ACYP2: variants seen among roughly 807,000 people sequenced by gnomAD.
The protein encoded by ACYP2 is acylphosphatase-2.
Under a neutral mutation model 11.2 loss-of-function variants are expected in ACYP2, and 12 were observed. The ratio of observed to expected loss-of-function variants is 1.08; its 90% CI spans 0.69 to 1.74. The LOEUF (loss-of-function observed/expected upper bound fraction) is 1.74, where lower values mean the gene tolerates loss of function less well. ACYP2 is among the 40% of genes most tolerant of loss of function. The pLI is 0.00. For synonymous variants in ACYP2, 43 were observed against 32.2 expected (o/e 1.33, Z -1.13); for missense variants, 134 against 101.9 (o/e 1.31, Z -1.35).
At chr2:54,129,001 G>A (rs1680729648) in intron 4 of ACYP2, among the ~76,000 whole-genome samples, 1 of 151,972 alleles carries the variant, frequency 6.6e-6, no homozygotes, top group Non-Finnish European at 1.5e-5. Context: ...TCCTTAATCC[G>A]GTCAAATTGA....
chr2:54,138,146 A>G (rs7572767), intron 5 of ACYP2, among the ~76,000 whole-genome samples: 413 of 152,258 alleles, frequency 2.7e-3, no homozygotes, highest in African/African-American at 9.5e-3. Context: ...TCTTATTAAA[A>G]TGATTTTCCC....
chr2:54,286,856 T>C lies in ACYP2; in HGVS notation c.405-17832T>C, dbSNP rs547725833. On this transcript the variant is annotated intron_variant, in intron 6 of 6. Transcript: ENST00000607452. ...AAATCATATCCAAATGTGAGTTTTCTCAGGCTATAATATCTAGAATTTTTT... is the reference window on the plus strand; with the variant it reads ...AAATCATATCCAAATGTGAGTTTTCCCAGGCTATAATATCTAGAATTTTTT... Among the ~76,000 whole-genome samples, 7 of 152,170 alleles carry C rather than the reference T, an allele frequency of 4.6e-5. No homozygotes were observed. In the East Asian group the frequency reaches 1.3e-3, roughly 29 times the overall value.
At chr2:54,289,492 G>A (rs1336356792) in intron 6 of ACYP2, among the ~76,000 whole-genome samples, 1 of 151,872 alleles carries the variant, frequency 6.6e-6, no homozygotes, top group Non-Finnish European at 1.5e-5. Context: ...AGATTATTAG[G>A]AAGATACATA....
intron 4 of ACYP2, among the ~76,000 whole-genome samples, chr2:54,096,614 C>T (rs1477793182): frequency 1.3e-5 from 2 of 152,160 alleles, no homozygotes; most frequent in Non-Finnish European, 2.9e-5. Context: ...GCGGATCCCT[C>T]GCGGTTAGGA....
At chr2:54,214,030 G>C (rs1363946773) in intron 6 of ACYP2, among the ~76,000 whole-genome samples, 1 of 152,044 alleles carries the variant, frequency 6.6e-6, no homozygotes, top group Non-Finnish European at 1.5e-5. Flanking sequence ...GAAGTGCTGG[G>C]ATTACAGGCA....
intron 6 of ACYP2, among the ~76,000 whole-genome samples, chr2:54,286,840 C>A (rs1203669427): frequency 6.6e-6 from 1 of 151,902 alleles, no homozygotes; most frequent in African/African-American, 2.4e-5. Context: ...AAAATCATAT[C>A]CAAATGTGAG....
chr2:54,248,526 C>A lies in ACYP2; in HGVS notation c.405-56162C>A, dbSNP rs550595864. Among the ~76,000 whole-genome samples the A allele has an allele frequency of 5.3e-5, 8 of 152,186 alleles. 1 individual carries two copies. Among genetic ancestry groups the A allele is most frequent in the African/African-American group, 1.9e-4 (8 of 41,520 alleles). On this transcript the variant is annotated intron_variant, in intron 6 of 6. Coordinates refer to ENST00000607452, the MANE Select transcript of ACYP2 (RefSeq NM_001320586.2). ...GTCTAGTATGGTGTCTAGAATGGAA[C>A]TTAGAAGCCACTTCTTATAGGAAGC...
intron 4 of ACYP2, among the ~76,000 whole-genome samples, chr2:54,096,476 G>T (rs1046410513): frequency 4.6e-5 from 7 of 152,080 alleles, no homozygotes; most frequent in African/African-American, 1.7e-4. Context: ...GGAGGCCAAG[G>T]CAGGCGGCTG....
intron 2 of ACYP2, among the ~76,000 whole-genome samples, chr2:53,979,863 T>A (rs1353767519): frequency 6.6e-6 from 1 of 151,800 alleles, no homozygotes; most frequent in African/African-American, 2.4e-5. Context: ...CTGGCTGTTT[T>A]GTATTTTTAG....
At chr2:54,123,692 A>C (rs1680287871) in intron 4 of ACYP2, among the ~76,000 whole-genome samples, 1 of 152,026 alleles carries the variant, frequency 6.6e-6, no homozygotes, top group African/African-American at 2.4e-5. Context: ...AAAGTCTCTG[A>C]TGTCCTTGGC....
At chr2:54,196,966 G>A (rs1437776593) in intron 6 of ACYP2, among the ~76,000 whole-genome samples, 3 of 152,212 alleles carry the variant, frequency 2.0e-5, no homozygotes, top group Admixed American at 6.5e-5. Flanking sequence ...AACTGTCCAC[G>A]TGTCACCTCA....
chr2:54,097,915 T>C (rs1678683714), intron 4 of ACYP2, among the ~76,000 whole-genome samples: 1 of 149,052 alleles, frequency 6.7e-6, no homozygotes, highest in Non-Finnish European at 1.5e-5. Context: ...TTCCTTTCTT[T>C]CTTCTTTCTT....
intron 6 of ACYP2, among the ~76,000 whole-genome samples, chr2:54,180,966 T>C (rs568103698): frequency 5.9e-5 from 9 of 152,314 alleles, no homozygotes; most frequent in South Asian, 4.1e-4. Context: ...ACATTGGGCA[T>C]TGGATTTCAA....
chr2:54,048,561 CAGTATCAT>C (rs1307907941), intron 2 of ACYP2, among the ~76,000 whole-genome samples: 1 of 152,178 alleles, frequency 6.6e-6, no homozygotes, highest in Non-Finnish European at 1.5e-5. Context: ...CACTGGAGTG[CAGTATCAT>C]AGCTCACTCT....
At chr2:54,002,450 A>T (rs1672845114) in intron 2 of ACYP2, among the ~76,000 whole-genome samples, 1 of 151,474 alleles carries the variant, frequency 6.6e-6, no homozygotes, top group Admixed American at 6.6e-5. Flanking sequence ...GGTTTAAATA[A>T]TTCTCCTGCC....
chr2:54,230,907 T>G (rs1363155112), intron 6 of ACYP2, among the ~76,000 whole-genome samples: 1 of 148,908 alleles, frequency 6.7e-6, no homozygotes, highest in Non-Finnish European at 1.5e-5. Flanking sequence ...CTCGGCTCAC[T>G]GCAACCTCTG....
chr2:54,035,332 C>T (rs1386995651), intron 2 of ACYP2, among the ~76,000 whole-genome samples: 2 of 143,126 alleles, frequency 1.4e-5, no homozygotes, highest in African/African-American at 5.2e-5. Flanking sequence ...GTGGTGCGAT[C>T]TCGGCGCACT....
At chr2:54,069,685 CA>C (rs1431280827) in intron 4 of ACYP2, among the ~76,000 whole-genome samples, 1 of 151,722 alleles carries the variant, frequency 6.6e-6, no homozygotes, top group Admixed American at 6.6e-5. Context: ...ACAAAAAAAA[CA>C]AAAACAAAAC....
intron 2 of ACYP2, among the ~76,000 whole-genome samples, chr2:54,018,804 A>G (rs1156485239): frequency 1.3e-5 from 2 of 152,070 alleles, no homozygotes; most frequent in African/African-American, 2.4e-5. Flanking sequence ...CTGGAGTGCA[A>G]TGGCTCCATC....
Sources: allele counts gnomAD v4.1 joint callset (sites outside exome capture counted in the v4.1 genomes callset), GRCh38; gene constraint gnomAD v4.1.1; transcripts MANE v1.5; gene names NCBI Gene and HGNC (gene_info 2026-07-23, HGNC 2026-07-21).